Variants in UGGT1 observed in about 807,000 individuals in gnomAD.
UGGT1 encodes UDP-glucose:glycoprotein glucosyltransferase 1.
Under a neutral mutation model 203.9 loss-of-function variants are expected in UGGT1, and 107 were observed. That is an observed-to-expected ratio of 0.52 (90% confidence interval 0.45 to 0.62). The LOEUF is 0.62. Among genes scored for constraint, UGGT1 ranks in the 20% least tolerant of loss-of-function variants. The pLI, the probability that UGGT1 is intolerant of heterozygous loss-of-function variation, is 0.00. For synonymous variants in UGGT1, 628 were observed against 653.5 expected (o/e 0.96, Z 0.59); for missense variants, 1,673 against 1,867.2 (o/e 0.90, Z 1.92).
intron 18 of UGGT1, among the ~76,000 whole-genome samples, chr2:128,150,450 T>C (rs143050776): frequency 1.3e-5 from 2 of 152,178 alleles, no homozygotes; most frequent in South Asian, 2.1e-4. Context: ...TTAAGAGATA[T>C]GCTATGCCAG....
chr2:128,116,786 A>G (rs542955971), intron 8 of UGGT1, among the ~76,000 whole-genome samples: 1 of 152,014 alleles, frequency 6.6e-6, no homozygotes, highest in Non-Finnish European at 1.5e-5. Flanking sequence ...CAGCCTCCCA[A>G]AGTGCTGGGA....
At chr2:128,100,349 A>G (rs1006192648) in intron 2 of UGGT1, among the ~76,000 whole-genome samples, 1 of 151,590 alleles carries the variant, frequency 6.6e-6, no homozygotes, top group African/African-American at 2.4e-5. Flanking sequence ...AAGATTTACT[A>G]TCACTTTCTG....
In UGGT1 at chr2:128,119,159, A is replaced by T. The variant is rs184120108; in HGVS notation, c.873-1197A>T. Among the ~76,000 whole-genome samples, 441 of 152,324 alleles carry T rather than the reference A, an allele frequency of 2.9e-3. 3 individuals carry two copies. Among genetic ancestry groups the T allele is most frequent in the Non-Finnish European group, 3.8e-3 (260 of 68,028 alleles). On this transcript the variant is annotated intron_variant, in intron 8 of 40. Coordinates refer to ENST00000259253, the MANE Select transcript of UGGT1 (RefSeq NM_020120.4). ...TTACTTTGATGTCATGTTGACATTT[A>T]ATGAGTTTTGGATTTTGGAGCATTT...
Position 128,119,438 on chromosome 2 carries a change from A to G in UGGT1, c.873-918A>G, listed in dbSNP as rs572614247. Reference sequence around the variant, plus strand: ...ACAAGAGTGAAACTCTGTCTCAAAGAAAAAAAAAAAGAAATTTTGAGTTTA... The same window carrying G: ...ACAAGAGTGAAACTCTGTCTCAAAGGAAAAAAAAAAGAAATTTTGAGTTTA... On this transcript the variant is annotated intron_variant, in intron 8 of 40. Transcript: ENST00000259253. Among the ~76,000 whole-genome samples, 10 of 147,706 alleles carry G rather than the reference A, an allele frequency of 6.8e-5. No homozygotes were observed. In the South Asian group the frequency reaches 1.7e-3, roughly 25 times the overall value.
Position 128,109,666 on chromosome 2 carries a change from TA to T in UGGT1, c.443del (p.Asn148IlefsTer22). 6.2e-7 allele frequency: 1 copy of T among 1,614,168 alleles called. No homozygotes were observed. The highest frequency in any genetic ancestry group is 8.5e-7 in the Non-Finnish European group (1 of 1,179,994). On this transcript the variant is annotated frameshift_variant, in exon 5 of 41. Transcript: ENST00000259253. LOFTEE classifies it high-confidence loss of function. ...AADEPPPEGC[N>X]SFFSVHGKKT... ...CTGATGAACCTCCACCAGAAGGATGTAATTCGTTTTTTTCAGTGCATGGAAA... is the reference window on the plus strand; with the variant it reads ...CTGATGAACCTCCACCAGAAGGATGTATTCGTTTTTTTCAGTGCATGGAAA...
intron 26 of UGGT1, among the ~76,000 whole-genome samples, chr2:128,167,037 GA>G (rs1488275786): frequency 1.3e-5 from 2 of 152,194 alleles, no homozygotes; most frequent in Non-Finnish European, 2.9e-5. Context: ...AGCAGTGGGT[GA>G]AGATTCTTAT....
rs114853578 is a variant in UGGT1 at position 128,124,283 on chromosome 2, A to G, written c.1134+1037A>G. The stretch of plus-strand genomic sequence containing the variant: ...GTTTTTATTGATAGCTCGTTATACA[A>G]TATTGGCAGGTTATACAATTTTAGG... On this transcript the variant is annotated intron_variant, in intron 11 of 40. Coordinates refer to ENST00000259253, the MANE Select transcript of UGGT1 (RefSeq NM_020120.4). 4.4e-3 allele frequency among the ~76,000 whole-genome samples: 677 copies of G among 152,300 alleles called. 2 individuals carry two copies. The highest frequency in any genetic ancestry group is 0.015 in the African/African-American group (643 of 41,572).
At chr2:128,161,576 T>TA (rs1330926085) in intron 25 of UGGT1, among the ~76,000 whole-genome samples, 2 of 152,236 alleles carry the variant, frequency 1.3e-5, no homozygotes, top group Non-Finnish European at 2.9e-5. Context: ...CTGGAATACT[T>TA]ATGTAAAGTG....
chr2:128,103,912 T>C lies in UGGT1; in HGVS notation c.195-20T>C. 1 of 1,564,614 alleles carries C rather than the reference T, an allele frequency of 6.4e-7. No homozygotes were observed. The highest frequency in any genetic ancestry group is 8.6e-7 in the Non-Finnish European group (1 of 1,158,128). ...TAGAAAATTTTATTAAGTTGTTTTA[T>C]TTCTGATCTTTTCTCCCAGTGAGTT... On this transcript the variant is annotated intron_variant, in intron 2 of 40. Coordinates refer to ENST00000259253, the MANE Select transcript of UGGT1 (RefSeq NM_020120.4).
At chr2:128,097,354 G>T in intron 1 of UGGT1, 75 bp from the exon 2 acceptor site, 1 of 1,520,562 alleles carries the variant, frequency 6.6e-7, no homozygotes. Context: ...CAGCCTGGGC[G>T]ACAGGGCGAG....
intron 3 of UGGT1, among the ~76,000 whole-genome samples, chr2:128,106,748 C>T (rs1010958461): frequency 1.3e-5 from 2 of 152,084 alleles, no homozygotes; most frequent in African/African-American, 4.8e-5. Flanking sequence ...TGGGGTTTCA[C>T]CATGTTGGCC....
At position 128,129,180 on chromosome 2, in the gene UGGT1, G is replaced by A. The variant is rs1688759304; in HGVS notation, c.1377+1G>A. The A allele has an allele frequency of 1.2e-6, 2 of 1,606,930 alleles. No individual in the cohort carries two copies. Among genetic ancestry groups the A allele is most frequent in the South Asian group, 1.1e-5 (1 of 89,460 alleles). ...AGACATCCGGAGTCCTGCTATTTCAGTGAGTATTTTGTTAGGGTGATCAAA... is the reference window on the plus strand; with the variant it reads ...AGACATCCGGAGTCCTGCTATTTCAATGAGTATTTTGTTAGGGTGATCAAA... On this transcript the variant is annotated splice_donor_variant, in intron 13 of 40. Transcript: ENST00000259253. LOFTEE classifies it high-confidence loss of function.
At chr2:128,109,088 C>T (rs1340216534) in intron 4 of UGGT1, among the ~76,000 whole-genome samples, 2 of 152,044 alleles carry the variant, frequency 1.3e-5, no homozygotes, top group South Asian at 4.1e-4. Flanking sequence ...GACAGGATTT[C>T]GCCGTGTTGG....
Position 128,177,816 on chromosome 2 carries a change from T to C in UGGT1, c.3625-16T>C. The C allele has an allele frequency of 1.9e-6, 3 of 1,592,444 alleles. No homozygotes were observed. The highest frequency in any genetic ancestry group is 1.8e-5 in the Admixed American group (1 of 56,342). ...TGAGACATACTGGGAGTAAGGTTTA[T>C]CACATTTGATTGCAGGTTCAGAAGA... On this transcript the variant is annotated splice_polypyrimidine_tract_variant and intron_variant, in intron 32 of 40. Transcript: ENST00000259253.
chr2:128,171,859 A>G (rs1440494589), intron 28 of UGGT1, among the ~76,000 whole-genome samples: 1 of 152,228 alleles, frequency 6.6e-6, no homozygotes, highest in Non-Finnish European at 1.5e-5. Flanking sequence ...GTTGGAATAT[A>G]CATGTTAGAG....
chr2:128,146,557 T>C (rs978782592), intron 18 of UGGT1, among the ~76,000 whole-genome samples: 1 of 98,884 alleles, frequency 1.0e-5, no homozygotes, highest in African/African-American at 3.8e-5. Context: ...TTTTCATTTA[T>C]ATATAAATAT....
In UGGT1 at chr2:128,119,208, G is replaced by A. The variant is rs144221129; in HGVS notation, c.873-1148G>A. Among the ~76,000 whole-genome samples the A allele has an allele frequency of 1.8e-4, 27 of 152,246 alleles. No individual in the cohort carries two copies. The East Asian group carries it at 5.0e-3, about 28-fold the overall frequency. On this transcript the variant is annotated intron_variant, in intron 8 of 40. Transcript: ENST00000259253. ...TTTGGATTTCAGAATTTCGGATTTG[G>A]GATGCTCAGGCTGTAGTAACTGACA... is the stretch of plus-strand genomic sequence containing the variant.
chr2:128,177,788 C>A, intron 32 of UGGT1, 44 bp from the exon 33 acceptor site: 1 of 1,517,004 alleles, frequency 6.6e-7, no homozygotes, highest in South Asian at 1.2e-5. Context: ...AGTTTTATGC[C>A]TGTGAGACAT....
rs779690093 is a variant in UGGT1, at chr2:128,121,326, A to G, written c.1073+28A>G. On this transcript the variant is annotated intron_variant, in intron 10 of 40. Coordinates refer to ENST00000259253, the MANE Select transcript of UGGT1 (RefSeq NM_020120.4). ...AATGTAGAATAATGCTCTTCTCCTT[A>G]ACATCATACCCAGTCATCGTCATGT... 23 of 1,507,628 alleles carry G rather than the reference A, an allele frequency of 1.5e-5. No individual in the cohort carries two copies. In the Admixed American group the frequency reaches 4.4e-4, roughly 29 times the overall value. The allele number at this position is 1,507,628 out of a possible 1,614,324, so 93.4% of individuals were successfully genotyped here.
Sources: allele counts gnomAD v4.1 joint callset (sites outside exome capture counted in the v4.1 genomes callset), GRCh38; gene constraint gnomAD v4.1.1; transcripts MANE v1.5; gene names NCBI Gene and HGNC (gene_info 2026-07-23, HGNC 2026-07-21).